Variants in SLC9A2 observed in about 807,000 individuals in gnomAD.
The protein encoded by SLC9A2 is solute carrier family 9 member A2.
SLC9A2 carries 42 observed loss-of-function variants against 71.7 expected under a neutral mutation model. The observed-to-expected ratio is 0.59, with a 90% CI of 0.46 to 0.76. The LOEUF (loss-of-function observed/expected upper bound fraction) is 0.76. SLC9A2 is among the 30% of genes least tolerant of loss of function. The pLI is 0.00. For synonymous variants in SLC9A2, 396 were observed against 392.5 expected (o/e 1.01, Z -0.10); for missense variants, 829 against 1,017.4 (o/e 0.81, Z 2.52).
intron 1 of SLC9A2, among the ~76,000 whole-genome samples, chr2:102,647,496 AGAGCAGAACTGAAG>A (rs1277145076): frequency 1.3e-5 from 2 of 152,202 alleles, no homozygotes; most frequent in Non-Finnish European, 2.9e-5. Context: ...AACTAATATC[AGAGCAGAACTGAAG>A]GAGATAGGGA....
At chr2:102,640,422 G>A (rs1181087600) in intron 1 of SLC9A2, among the ~76,000 whole-genome samples, 1 of 152,168 alleles carries the variant, frequency 6.6e-6, no homozygotes, top group Non-Finnish European at 1.5e-5. Flanking sequence ...ACCATCAAAA[G>A]TCCTGGGCCT....
At chr2:102,634,060 A>G (rs1676423355) in intron 1 of SLC9A2, among the ~76,000 whole-genome samples, 1 of 152,228 alleles carries the variant, frequency 6.6e-6, no homozygotes, top group Non-Finnish European at 1.5e-5. Flanking sequence ...AGACTCAATA[A>G]GTAATTACTG....
At position 102,626,662 on chromosome 2, in the gene SLC9A2, C is replaced by T. The variant is rs552092605; in HGVS notation, c.289+6525C>T. Among the ~76,000 whole-genome samples the T allele has an allele frequency of 8.5e-5, 13 of 152,214 alleles. No homozygotes were observed. In the South Asian group the frequency reaches 2.5e-3, roughly 29 times the overall value. The stretch of plus-strand genomic sequence containing the variant: ...CCTACAGAGTGGGAGAAAATTTTTG[C>T]AATCTGCTCATCTGAAAAAGGGCTA... On this transcript the variant is annotated intron_variant, in intron 1 of 11. Coordinates refer to ENST00000233969, the MANE Select transcript of SLC9A2 (RefSeq NM_003048.6).
intron 3 of SLC9A2, among the ~76,000 whole-genome samples, chr2:102,668,054 A>G (rs1318779072): frequency 6.6e-6 from 1 of 152,146 alleles, no homozygotes; most frequent in Non-Finnish European, 1.5e-5. Context: ...AGCCCAGACA[A>G]CAGATTGAGA....
At position 102,702,424 on chromosome 2, in the gene SLC9A2, A is replaced by C; in HGVS notation, c.1767A>C (p.Lys589Asn). The C allele has an allele frequency of 6.3e-7, 1 of 1,591,476 alleles. No homozygotes were observed. The highest frequency in any genetic ancestry group is 1.1e-5 in the South Asian group (1 of 87,564). The change falls in exon 9 of 12, where the codon AAA becomes AAC. Residue 589 changes from lysine (K) to asparagine (N), a missense_variant. Coordinates refer to ENST00000233969, the MANE Select transcript of SLC9A2 (RefSeq NM_003048.6). ...TTCACAGTGATTGTCGTGAAGAAAA[A>C]ATAAGGAAGGTCACGTCCAGTGAAA... The part of the protein sequence containing the change: ...FASLNDCREE[K>N]IRKVTSSETD...
At chr2:102,690,802 A>G (rs1199511877) in intron 5 of SLC9A2, among the ~76,000 whole-genome samples, 2 of 152,204 alleles carry the variant, frequency 1.3e-5, no homozygotes, top group African/African-American at 4.8e-5. Flanking sequence ...ATAAGACAGC[A>G]TAGCAGCGAT....
chr2:102,681,970 T>G (rs569759133), intron 3 of SLC9A2, among the ~76,000 whole-genome samples: 1 of 152,298 alleles, frequency 6.6e-6, no homozygotes, highest in South Asian at 2.1e-4. Context: ...GAGGATTTCC[T>G]TAAGACAGCA....
intron 1 of SLC9A2, among the ~76,000 whole-genome samples, chr2:102,647,053 A>G (rs1356867119): frequency 6.6e-6 from 1 of 152,040 alleles, no homozygotes; most frequent in South Asian, 2.1e-4. Flanking sequence ...ATTGACCACC[A>G]AATTGGAAGT....
At chr2:102,673,788 CTTTT>C (rs773324787) in intron 3 of SLC9A2, among the ~76,000 whole-genome samples, 1 of 141,482 alleles carries the variant, frequency 7.1e-6, no homozygotes, top group African/African-American at 2.6e-5. Context: ...GAAATAAATA[CTTTT>C]TTTTTTTTTT....
At chr2:102,649,106 G>C (rs1175398058) in intron 1 of SLC9A2, among the ~76,000 whole-genome samples, 1 of 152,138 alleles carries the variant, frequency 6.6e-6, no homozygotes, top group Non-Finnish European at 1.5e-5. Context: ...AAACAGCATG[G>C]TACTGATACC....
At position 102,631,780 on chromosome 2, in the gene SLC9A2, T is replaced by C. The variant is rs1676360981; in HGVS notation, c.289+11643T>C. On this transcript the variant is annotated intron_variant, in intron 1 of 11. Coordinates refer to ENST00000233969, the MANE Select transcript of SLC9A2 (RefSeq NM_003048.6). ...TCTGAAGGATGTGGGGGTGTGACTGTACTGCTTCTGTTTTATTTTGCGTAT... is the reference window on the plus strand; with the variant it reads ...TCTGAAGGATGTGGGGGTGTGACTGCACTGCTTCTGTTTTATTTTGCGTAT... Among the ~76,000 whole-genome samples the C allele has an allele frequency of 2.0e-5, 3 of 151,656 alleles. No homozygotes were observed. The South Asian group carries it at 6.2e-4, about 31-fold the overall frequency.
At chr2:102,650,450 C>A (rs1319974611) in intron 1 of SLC9A2, among the ~76,000 whole-genome samples, 3 of 152,046 alleles carry the variant, frequency 2.0e-5, no homozygotes, top group African/African-American at 7.2e-5. Context: ...ATGTAACAAA[C>A]CTGCACCTTC....
At chr2:102,623,529 G>A (rs1008397) in intron 1 of SLC9A2, among the ~76,000 whole-genome samples, 49,778 of 151,916 alleles carry the variant, frequency 0.33, 8,902 homozygotes, top group Admixed American at 0.42. Context: ...TGGTGCTGTG[G>A]GACACTTTCG....
intron 3 of SLC9A2, among the ~76,000 whole-genome samples, chr2:102,666,954 A>G (rs1472123460): frequency 2.0e-5 from 3 of 152,186 alleles, no homozygotes; most frequent in African/African-American, 7.2e-5. Context: ...TCTGATTAAG[A>G]TGATCATTTG....
At chr2:102,651,352 C>A (rs1340132866) in intron 1 of SLC9A2, among the ~76,000 whole-genome samples, 1 of 152,182 alleles carries the variant, frequency 6.6e-6, no homozygotes, top group East Asian at 1.9e-4. Flanking sequence ...CAGGCTCTAG[C>A]ATTTTTCTGT....
At chr2:102,670,183 T>TC (rs56252185) in intron 3 of SLC9A2, among the ~76,000 whole-genome samples, 2 of 149,404 alleles carry the variant, frequency 1.3e-5, no homozygotes, top group African/African-American at 5.0e-5. Context: ...CAGCTATTTT[T>TC]TTTTTTGTAT....
chr2:102,682,153 T>C (rs1279582878), intron 3 of SLC9A2, among the ~76,000 whole-genome samples: 1 of 152,124 alleles, frequency 6.6e-6, no homozygotes, highest in African/African-American at 2.4e-5. Flanking sequence ...TCTAATCCCA[T>C]CCTCCTGTTT....
At chr2:102,671,117 G>C (rs978767912) in intron 3 of SLC9A2, among the ~76,000 whole-genome samples, 1 of 152,070 alleles carries the variant, frequency 6.6e-6, no homozygotes, top group Non-Finnish European at 1.5e-5. Flanking sequence ...TCATCTCAAC[G>C]TCCTGAAGTG....
At chr2:102,683,607 C>A (rs13001240) in intron 4 of SLC9A2, 129 bp downstream of exon 4, 1 of 701,242 alleles carries the variant, frequency 1.4e-6, no homozygotes, top group Non-Finnish European at 2.4e-6. Flanking sequence ...TCTTTCTTAC[C>A]TACGTCTTCC....
Sources: gnomAD v4.1 joint callset for allele counts (sites outside exome capture counted in the v4.1 genomes callset) on GRCh38, gnomAD v4.1.1 for gene constraint, MANE v1.5 for transcripts, NCBI Gene and HGNC (gene_info 2026-07-23, HGNC 2026-07-21) for gene names.